The following L2HGDH variants were observed in gnomAD, a reference collection of about 807,000 sequenced individuals.
The protein encoded by L2HGDH is L-2-hydroxyglutarate dehydrogenase, mitochondrial.
Under a neutral mutation model 51.5 loss-of-function variants are expected in L2HGDH, and 34 were observed. That is an observed-to-expected ratio of 0.66 (90% CI 0.50 to 0.88). L2HGDH has a LOEUF of 0.88. L2HGDH is among the 40% of genes least tolerant of loss of function. The pLI is 0.00. For synonymous variants in L2HGDH, 198 were observed against 197.9 expected (o/e 1.00, Z -0.01); for missense variants, 558 against 571.9 (o/e 0.98, Z 0.25).
Position 50,243,788 on chromosome 14 carries a change from C to T in L2HGDH, c.*3270G>A, listed in dbSNP as rs892852814. The T allele has an allele frequency of 6.8e-6, 1 of 147,044 alleles. No homozygotes were observed. Among genetic ancestry groups the T allele is most frequent in the Non-Finnish European group, 1.5e-5 (1 of 66,738 alleles). The allele number at this position is 147,044 out of a possible 1,614,324, so 9.1% of individuals were successfully genotyped here. On this transcript the variant is annotated 3_prime_UTR_variant, in exon 10 of 10. Coordinates refer to ENST00000267436, the MANE Select transcript of L2HGDH (RefSeq NM_024884.3). ...TGCTGGTGTGCTGCACCCATTAACT[C>T]GTCATTTAGCATTAGGTATATCTCC... is the stretch of plus-strand genomic sequence containing the variant.
Position 50,269,191 on chromosome 14 carries a change from C to T in L2HGDH, c.878G>A (p.Cys293Tyr). Residue 293 changes from cysteine (C) to tyrosine (Y), a missense_variant, in exon 7 of 10, where the codon TGT becomes TAT. Physicochemically the swap from Cys to Tyr is radical, Grantham distance 194. Around this residue, in one of 3 missense-constraint regions of L2HGDH, gnomAD observed 321 missense variants for 311.8 expected, o/e 1.03. Coordinates refer to ENST00000267436, the MANE Select transcript of L2HGDH (RefSeq NM_024884.3). Reference protein sequence around the residue: ...GDYLLLKPEKCYLVKGNIYPV... With the variant: ...GDYLLLKPEKYYLVKGNIYPV... ...ATAAATATTTCCTTTTACAAGATAA[C>T]ATTTTTCTGGCTTCAAAAGCAGGTA... 1.3e-6 allele frequency: 2 copies of T among 1,572,906 alleles called. No individual in the cohort carries two copies. Among genetic ancestry groups the T allele is most frequent in the South Asian group, 1.1e-5 (1 of 90,606 alleles).
In L2HGDH at chr14:50,287,293, T is replaced by C. The variant is rs543098946; in HGVS notation, c.541-3260A>G. 50 of 984,740 alleles carry C rather than the reference T, an allele frequency of 5.1e-5. No individual in the cohort carries two copies. The African/African-American group carries it at 8.4e-4, about 16-fold the overall frequency. The allele number at this position is 984,740 out of a possible 1,614,324, so 61.0% of individuals were successfully genotyped here. On this transcript the variant is annotated intron_variant, in intron 4 of 9. Transcript: ENST00000267436. ...CAGTAATGCATAATATAAAAAATCATGGGTTCCTGTTCCGATTTTTTCTCT... is the reference window on the plus strand; with the variant it reads ...CAGTAATGCATAATATAAAAAATCACGGGTTCCTGTTCCGATTTTTTCTCT...
intron 1 of L2HGDH, 78 bp downstream of exon 1, chr14:50,311,933 C>G: frequency 6.6e-7 from 1 of 1,524,290 alleles, no homozygotes; most frequent in Non-Finnish European, 8.8e-7. Context: ...GAAATACGAA[C>G]AGGGGCACAG....
intron 1 of L2HGDH, among the ~76,000 whole-genome samples, chr14:50,304,030 C>A (rs2030584444): frequency 6.6e-6 from 1 of 152,052 alleles, no homozygotes; most frequent in Non-Finnish European, 1.5e-5. Flanking sequence ...CTTGTGCAAA[C>A]AGCATAGAAT....
In L2HGDH at chr14:50,245,914, G is replaced by A. The variant is rs1887970140; in HGVS notation, c.*1144C>T. On this transcript the variant is annotated 3_prime_UTR_variant, in exon 10 of 10. Transcript: ENST00000267436. ...AGGCAGGTGGATCACCTGAGGTCAGGAATTCGAGACCAGCCTGGCCAACAT... is the reference window on the plus strand; with the variant it reads ...AGGCAGGTGGATCACCTGAGGTCAGAAATTCGAGACCAGCCTGGCCAACAT... 4 of 615,302 alleles carry A rather than the reference G, an allele frequency of 6.5e-6. No individual in the cohort carries two copies. The highest frequency in any genetic ancestry group is 2.0e-5 in the African/African-American group (1 of 50,080). 38.1% of individuals were successfully genotyped at this position (615,302 alleles called of 1,614,324 possible). A position where few individuals can be genotyped will look rare whatever the true frequency, so the allele number is the denominator to read the frequency against.
intron 6 of L2HGDH, among the ~76,000 whole-genome samples, chr14:50,270,267 T>C (rs1019004468): frequency 2.0e-5 from 3 of 152,250 alleles, no homozygotes; most frequent in African/African-American, 7.2e-5. Flanking sequence ...CTGCTTATTT[T>C]TAACTTTACT....
At chr14:50,273,005 T>C (rs572953729) in intron 6 of L2HGDH, among the ~76,000 whole-genome samples, 15 of 152,224 alleles carry the variant, frequency 9.9e-5, no homozygotes, top group African/African-American at 3.6e-4. Context: ...GCAGAAAATA[T>C]TCTCAGTGGG....
intron 9 of L2HGDH, among the ~76,000 whole-genome samples, chr14:50,263,359 T>C (rs10400736): frequency 0.014 from 2,161 of 151,768 alleles, 49 homozygotes; most frequent in African/African-American, 0.047. Flanking sequence ...AGTAGAGGAG[T>C]GAAAGAGATA....
At chr14:50,265,920 CCAAT>C (rs998421373) in intron 8 of L2HGDH, among the ~76,000 whole-genome samples, 66 of 151,916 alleles carry the variant, frequency 4.3e-4, no homozygotes, top group Middle Eastern at 3.4e-3. Flanking sequence ...TCTCAATCAA[CCAAT>C]CAATCAATGA....
rs115255727 is a variant in L2HGDH at position 50,245,705 on chromosome 14, G to C, written c.*1353C>G. The C allele has an allele frequency of 2.5e-3, 2,450 of 985,054 alleles. 48 individuals carry two copies. In the African/African-American group the frequency reaches 0.039, roughly 16 times the overall value. 61.0% of individuals were successfully genotyped at this position (985,054 alleles called of 1,614,324 possible). A position where few individuals can be genotyped will look rare whatever the true frequency, so the allele number is the denominator to read the frequency against. Reference sequence around the variant, plus strand: ...TCTATGAGAGACCAAACGAGCTTAGGTAGCGTAATGCTAAAAAATTGATTT... The same window carrying C: ...TCTATGAGAGACCAAACGAGCTTAGCTAGCGTAATGCTAAAAAATTGATTT... On this transcript the variant is annotated 3_prime_UTR_variant, in exon 10 of 10. Transcript: ENST00000267436.
chr14:50,286,958 T>C (rs1021395714), intron 4 of L2HGDH, among the ~76,000 whole-genome samples: 2 of 152,226 alleles, frequency 1.3e-5, no homozygotes, highest in African/African-American at 4.8e-5. Flanking sequence ...CTTATCTATC[T>C]ACAGTGCCTA....
intron 3 of L2HGDH, 72 bp from the exon 4 acceptor site, chr14:50,294,318 G>A (rs1162401105): frequency 1.3e-6 from 2 of 1,497,412 alleles, no homozygotes; most frequent in East Asian, 4.6e-5. Flanking sequence ...TAAAGTCAAT[G>A]GAAAATCATC....
rs150152586 is a variant in L2HGDH at position 50,250,542 on chromosome 14, C to T, written c.1197-3289G>A. On this transcript the variant is annotated intron_variant, in intron 9 of 9. Coordinates refer to ENST00000267436, the MANE Select transcript of L2HGDH (RefSeq NM_024884.3). ...GTGGCTTCCAGACAGCATCTCTGGACACGCCTGGGGCCTGAGGAAGCTTAC... is the reference window on the plus strand; with the variant it reads ...GTGGCTTCCAGACAGCATCTCTGGATACGCCTGGGGCCTGAGGAAGCTTAC... Among the ~76,000 whole-genome samples the T allele has an allele frequency of 8.2e-3, 1,254 of 152,310 alleles. 18 individuals carry two copies. Among genetic ancestry groups the T allele is most frequent in the African/African-American group, 0.029 (1,205 of 41,566 alleles).
In L2HGDH at chr14:50,244,641, C is replaced by T. The variant is rs557871065; in HGVS notation, c.*2417G>A. The T allele has an allele frequency of 4.5e-5, 44 of 985,332 alleles. No individual in the cohort carries two copies. In the South Asian group the frequency reaches 1.6e-3, roughly 36 times the overall value. 61.0% of individuals were successfully genotyped at this position (985,332 alleles called of 1,614,324 possible). On this transcript the variant is annotated 3_prime_UTR_variant, in exon 10 of 10. Transcript: ENST00000267436. The stretch of plus-strand genomic sequence containing the variant: ...ACTCATCCTAAGAGTTGAATAATGG[C>T]CTACTCTGTTTACCTGGGATGTGCT...
In L2HGDH at chr14:50,242,765, C is replaced by T. The variant is rs967365171; in HGVS notation, c.*4293G>A. 1.0e-6 allele frequency: 1 copy of T among 985,360 alleles called. No homozygotes were observed. The highest frequency in any genetic ancestry group is 4.7e-5 in the South Asian group (1 of 21,290). 61.0% of individuals were successfully genotyped at this position (985,360 alleles called of 1,614,324 possible). A position where few individuals can be genotyped will look rare whatever the true frequency, so the allele number is the denominator to read the frequency against. On this transcript the variant is annotated 3_prime_UTR_variant, in exon 10 of 10. Transcript: ENST00000267436. Reference sequence around the variant, plus strand: ...TAGAAAAGCTTAGAAACTGACTTTACGATTACAACTCAAAAATGTTTACAA... The same window carrying T: ...TAGAAAAGCTTAGAAACTGACTTTATGATTACAACTCAAAAATGTTTACAA...
intron 3 of L2HGDH, among the ~76,000 whole-genome samples, chr14:50,295,389 A>T (rs1475039278): frequency 1.3e-5 from 2 of 151,830 alleles, no homozygotes; most frequent in African/African-American, 4.8e-5. Flanking sequence ...AAAAATTTGT[A>T]TCTATTTTTA....
chr14:50,287,577 A>T (rs1890627769), intron 4 of L2HGDH, among the ~76,000 whole-genome samples: 1 of 151,956 alleles, frequency 6.6e-6, no homozygotes, highest in African/African-American at 2.4e-5. Context: ...GGAGGTTATC[A>T]ATTCTTTCAT....
chr14:50,293,371 T>C (rs2029873301), intron 4 of L2HGDH: 8 of 639,132 alleles, frequency 1.3e-5, no homozygotes, highest in Non-Finnish European at 2.3e-5. Context: ...AAATGTGAAA[T>C]GTAAAACAAT....
At chr14:50,255,692 C>G (rs1416230963) in intron 9 of L2HGDH, among the ~76,000 whole-genome samples, 1 of 152,002 alleles carries the variant, frequency 6.6e-6, no homozygotes, top group Non-Finnish European at 1.5e-5. Context: ...AGGCTAGAAA[C>G]TTTAAGCTTT....
Sources: gnomAD v4.1 joint callset for allele counts (sites outside exome capture counted in the v4.1 genomes callset) on GRCh38, gnomAD v4.1.1 for gene constraint, gnomAD v4.1.1 regional missense constraint, MANE v1.5 for transcripts, NCBI Gene and HGNC (gene_info 2026-07-23, HGNC 2026-07-21) for gene names.